ANO6: variants seen among roughly 807,000 people sequenced by gnomAD.
ANO6 encodes anoctamin 6.
ANO6 carries 106 observed loss-of-function variants against 117.5 expected under a neutral mutation model. The ratio of observed to expected loss-of-function variants is 0.90; its 90% CI spans 0.77 to 1.06. The LOEUF is 1.06. Among genes scored for constraint, ANO6 ranks in the 50% least tolerant of loss-of-function variants. The pLI, the probability that ANO6 is intolerant of heterozygous loss-of-function variation, is 0.00. For missense variants in ANO6, 955 were observed against 1,121.1 expected (o/e 0.85, Z 2.12); for synonymous variants, 367 against 385.1 (o/e 0.95, Z 0.55).
At chr12:45,416,638 G>A in intron 16 of ANO6, 61 bp from the exon 17 acceptor site, 1 of 1,543,940 alleles carries the variant, frequency 6.5e-7, no homozygotes, top group Non-Finnish European at 8.9e-7. Context: ...CAAGAGTAAA[G>A]GAAAATATGT....
intron 12 of ANO6, among the ~76,000 whole-genome samples, chr12:45,401,447 T>C (rs1465141158): frequency 6.6e-6 from 1 of 152,236 alleles, no homozygotes; most frequent in African/African-American, 2.4e-5. Flanking sequence ...TGTTCCATTT[T>C]TATGCTGTCT....
chr12:45,220,777 T>C (rs1328988361), intron 1 of ANO6, among the ~76,000 whole-genome samples: 2 of 152,198 alleles, frequency 1.3e-5, no homozygotes, highest in Admixed American at 1.3e-4. Flanking sequence ...TGGGGGCTGG[T>C]CACTGGAAAG....
chr12:45,339,075 T>C (rs924682224), intron 3 of ANO6, among the ~76,000 whole-genome samples: 2 of 152,106 alleles, frequency 1.3e-5, no homozygotes, highest in Non-Finnish European at 2.9e-5. Context: ...AAATCAGCTA[T>C]ACCAAATTCT....
chr12:45,267,758 T>C (rs1308216030), intron 1 of ANO6, among the ~76,000 whole-genome samples: 1 of 152,118 alleles, frequency 6.6e-6, no homozygotes, highest in Non-Finnish European at 1.5e-5. Context: ...GCCAGTGTGC[T>C]CCAGTCTGGG....
At chr12:45,254,329 A>C (rs1937733867) in intron 1 of ANO6, among the ~76,000 whole-genome samples, 1 of 152,204 alleles carries the variant, frequency 6.6e-6, no homozygotes, top group Admixed American at 6.5e-5. Context: ...ATACCTCCTG[A>C]AGGTGGGCCA....
chr12:45,273,691 C>T (rs1938460176), intron 1 of ANO6, among the ~76,000 whole-genome samples: 2 of 152,166 alleles, frequency 1.3e-5, no homozygotes, highest in African/African-American at 4.8e-5. Context: ...TTGCTGTGAG[C>T]CTTGGTCTGC....
At chr12:45,386,014 C>G (rs1490590440) in intron 10 of ANO6, among the ~76,000 whole-genome samples, 1 of 152,180 alleles carries the variant, frequency 6.6e-6, no homozygotes, top group Non-Finnish European at 1.5e-5. Flanking sequence ...TCTCTTCACT[C>G]TCTACTTCAG....
exon 20 of ANO6, chr12:45,439,910 G>GTTT (rs896363791): frequency 1.3e-6 from 2 of 1,492,764 alleles, no homozygotes; most frequent in African/African-American, 2.8e-5. Flanking sequence ...CCAACTCCGT[G>GTTT]TTTTTCTGTA....
At chr12:45,237,164 A>T (rs1446790086) in intron 1 of ANO6, among the ~76,000 whole-genome samples, 6 of 152,084 alleles carry the variant, frequency 3.9e-5, no homozygotes, top group African/African-American at 1.4e-4. Flanking sequence ...ATTTTCTCCC[A>T]TTCTGTAGGT....
intron 2 of ANO6, among the ~76,000 whole-genome samples, chr12:45,306,223 T>TAA (rs1478185503): frequency 6.6e-6 from 1 of 152,178 alleles, no homozygotes; most frequent in East Asian, 1.9e-4. Flanking sequence ...AGGTTATATA[T>TAA]AACCCTACTG....
intron 6 of ANO6, among the ~76,000 whole-genome samples, chr12:45,349,088 C>A (rs1941218376): frequency 2.6e-5 from 4 of 152,130 alleles, no homozygotes; most frequent in Admixed American, 2.6e-4. Flanking sequence ...AAATGTTAGT[C>A]CCTAGCATAT....
intron 1 of ANO6, among the ~76,000 whole-genome samples, chr12:45,276,044 T>G (rs1047887802): frequency 2.6e-5 from 4 of 152,154 alleles, no homozygotes; most frequent in African/African-American, 9.7e-5. Context: ...TTGATTTGCT[T>G]CCATGTCCCA....
At chr12:45,434,814 A>C (rs1023137866), downstream of ANO6, among the ~76,000 whole-genome samples, 1 of 152,190 alleles carries the variant, frequency 6.6e-6, no homozygotes, top group Non-Finnish European at 1.5e-5. Flanking sequence ...TGCTCTTTTC[A>C]TTGGTGGTGG....
chr12:45,247,820 A>T (rs568411167), intron 1 of ANO6, among the ~76,000 whole-genome samples: 1 of 152,170 alleles, frequency 6.6e-6, no homozygotes, highest in East Asian at 1.9e-4. Context: ...TCTAATCCCA[A>T]TGACCTTCCA....
At chr12:45,288,908 C>G (rs531590655) in intron 1 of ANO6, among the ~76,000 whole-genome samples, 1 of 151,266 alleles carries the variant, frequency 6.6e-6, no homozygotes, top group Non-Finnish European at 1.5e-5. Flanking sequence ...CCACCACGCC[C>G]GGCTAATTTT....
chr12:45,235,981 C>A (rs939768709), intron 1 of ANO6, among the ~76,000 whole-genome samples: 1 of 152,206 alleles, frequency 6.6e-6, no homozygotes, highest in Non-Finnish European at 1.5e-5. Context: ...CTGGATCAGG[C>A]TGACTGTCCT....
At chr12:45,223,391 G>C (rs1947434810) in intron 1 of ANO6, among the ~76,000 whole-genome samples, 1 of 152,152 alleles carries the variant, frequency 6.6e-6, no homozygotes, top group Non-Finnish European at 1.5e-5. Flanking sequence ...TTGCTTGCTT[G>C]TTGCTGGGGA....
intron 1 of ANO6, among the ~76,000 whole-genome samples, chr12:45,221,570 T>C (rs1947400006): frequency 1.3e-5 from 2 of 152,110 alleles, no homozygotes; most frequent in Non-Finnish European, 2.9e-5. Context: ...AGTGATAGGA[T>C]TGGATTTGCT....
At chr12:45,369,133 A>G (rs963728616) in intron 9 of ANO6, among the ~76,000 whole-genome samples, 1 of 152,176 alleles carries the variant, frequency 6.6e-6, no homozygotes, top group African/African-American at 2.4e-5. Context: ...CAACAGATGG[A>G]TTTTTACACT....
Sources: allele counts gnomAD v4.1 joint callset (sites outside exome capture counted in the v4.1 genomes callset), GRCh38; gene constraint gnomAD v4.1.1; transcripts MANE v1.5; gene names NCBI Gene and HGNC (gene_info 2026-07-23, HGNC 2026-07-21).